The following DNAH2 variants were observed in gnomAD, a reference collection of about 807,000 sequenced individuals.
DNAH2 encodes the protein axonemal beta dynein heavy chain 2.
DNAH2 carries 323 observed loss-of-function variants against 523.5 expected under a neutral mutation model. The ratio of observed to expected loss-of-function variants is 0.62; its 90% CI spans 0.56 to 0.68. The LOEUF is 0.68. Among genes scored for constraint, DNAH2 ranks in the 30% least tolerant of loss-of-function variants. DNAH2 has a pLI of 0.00. For synonymous variants in DNAH2, 2,093 were observed against 2,177.4 expected, an observed-to-expected ratio of 0.96 and a Z score of 1.08; for missense variants, 4,907 against 5,701.5, an observed-to-expected ratio of 0.86 and a Z score of 4.49.
Position 7,765,559 on chromosome 17 carries a change from T to G in DNAH2, c.3505T>G (p.Phe1169Val). ...KAHTLLEDFE[F>V]KGHFTSNVGY... ...ACATACACTTCTGGAAGATTTCGAA[T>G]TCAAAGGTACTCCTTGATCCACCTC... Residue 1169 changes from phenylalanine to valine, a missense_variant, in exon 21 of 86, where the codon TTC becomes GTC. This residue lies in a region of DNAH2 where 2,806 missense variants were observed against 3,190.8 expected (regional missense o/e 0.88). Coordinates refer to ENST00000572933, the MANE Select transcript of DNAH2 (RefSeq NM_020877.5). 6.2e-7 allele frequency: 1 copy of G among 1,612,782 alleles called. No individual in the cohort carries two copies. The highest frequency in any genetic ancestry group is 2.2e-5 in the East Asian group (1 of 44,862).
chr17:7,819,230 C>A lies in DNAH2; in HGVS notation c.10837C>A (p.Arg3613=), dbSNP rs148358215. 2.5e-6 allele frequency: 4 copies of A among 1,613,742 alleles called. No homozygotes were observed. The highest frequency in any genetic ancestry group is 3.4e-6 in the Non-Finnish European group (4 of 1,180,052). ...AREAYRPCAQ[R]ASILFFVLND... is the part of the protein sequence containing the mutation. ...GCAGGCTTACCGCCCATGCGCCCAGCGGGCATCAATCCTGTTCTTCGTGCT... is the reference window on the plus strand; with the variant it reads ...GCAGGCTTACCGCCCATGCGCCCAGAGGGCATCAATCCTGTTCTTCGTGCT... Residue 3613 remains arginine, a synonymous_variant, in exon 72 of 86, where the codon CGG becomes AGG. Transcript: ENST00000572933.
At chr17:7,829,346 C>T (rs1423762973) in intron 77 of DNAH2, among the ~76,000 whole-genome samples, 1 of 152,144 alleles carries the variant, frequency 6.6e-6, no homozygotes, top group Admixed American at 6.5e-5. Flanking sequence ...CTCCATCTAT[C>T]CACGGCCCTC....
intron 12 of DNAH2, among the ~76,000 whole-genome samples, chr17:7,755,808 CTTT>C (rs57342823): frequency 6.9e-6 from 1 of 145,396 alleles, no homozygotes; most frequent in Non-Finnish European, 1.5e-5. Context: ...CCTGGTATCT[CTTT>C]TTTTTTTTTT....
intron 4 of DNAH2, among the ~76,000 whole-genome samples, chr17:7,732,333 G>C (rs2075013430): frequency 6.6e-6 from 1 of 150,964 alleles, no homozygotes. Flanking sequence ...TACTCGGGAG[G>C]CTGAGGCAGA....
At chr17:7,759,727 G>T (rs117097741) in intron 16 of DNAH2, 64 bp from the exon 17 acceptor site, 1 of 1,608,454 alleles carries the variant, frequency 6.2e-7, no homozygotes, top group Non-Finnish European at 8.5e-7. Context: ...CAGACCTGCT[G>T]CTGAAGTGTG....
intron 27 of DNAH2, among the ~76,000 whole-genome samples, 173 bp from the exon 28 acceptor site, chr17:7,771,157 C>A (rs937858634): frequency 6.6e-6 from 1 of 152,124 alleles, no homozygotes; most frequent in African/African-American, 2.4e-5. Context: ...TTCTTAGACC[C>A]AGGTAGCTGG....
chr17:7,819,419 G>A lies in DNAH2; in HGVS notation c.11015+11G>A, dbSNP rs1402040142. On this transcript the variant is annotated intron_variant, in intron 72 of 85. Coordinates refer to ENST00000572933, the MANE Select transcript of DNAH2 (RefSeq NM_020877.5). ...CTACGCTGTCTACAGGTCTGAGGGT[G>A]CCCCCAACATGCCCCAGCCCGGAGG... The A allele has an allele frequency of 6.2e-7, 1 of 1,614,068 alleles. No homozygotes were observed.
At chr17:7,744,445 G>C (rs752565580) in intron 12 of DNAH2, among the ~76,000 whole-genome samples, 15 of 152,072 alleles carry the variant, frequency 9.9e-5, no homozygotes, top group Non-Finnish European at 1.8e-4. Context: ...CAGGGGAAGA[G>C]GGCACATTCT....
Position 7,765,644 on chromosome 17 carries a change from C to T in DNAH2, c.3511+79C>T, listed in dbSNP as rs922782082. The T allele has an allele frequency of 2.7e-5, 41 of 1,514,146 alleles. No individual in the cohort carries two copies. The Admixed American group carries it at 2.9e-4, about 11-fold the overall frequency. 93.8% of individuals were successfully genotyped at this position (1,514,146 alleles called of 1,614,324 possible). On this transcript the variant is annotated intron_variant, in intron 21 of 85. Transcript: ENST00000572933. ...CTTCCAAGCCCAGGTCCTGGGAAGG[C>T]GAGAACTGGGAGGGGAGGAGGAGGG...
chr17:7,823,555 C>T lies in DNAH2; in HGVS notation c.11256C>T (p.Asn3752=), dbSNP rs2077926358. 1.2e-6 allele frequency: 2 copies of T among 1,614,080 alleles called. No homozygotes were observed. Among genetic ancestry groups the T allele is most frequent in the Admixed American group, 1.7e-5 (1 of 59,996 alleles). ...TGACCAACTTCCACGGACTCATGAA[C>T]TCCTTTGAGCAGTACCCTCGTGACT... ...DKLTNFHGLM[N]SFEQYPRDWH... The change falls in exon 74 of 86, where the codon AAC becomes AAT. Residue 3752 remains asparagine (N), a synonymous_variant. Coordinates refer to ENST00000572933, the MANE Select transcript of DNAH2 (RefSeq NM_020877.5).
chr17:7,809,498 A>G (rs2077453897), intron 63 of DNAH2, among the ~76,000 whole-genome samples: 1 of 151,826 alleles, frequency 6.6e-6, no homozygotes, highest in African/African-American at 2.4e-5. Context: ...CCACCTCCCA[A>G]CCTCTCACAA....
chr17:7,739,532 T>C lies in DNAH2; in HGVS notation c.1171-201T>C, dbSNP rs575694125. On this transcript the variant is annotated intron_variant, in intron 8 of 85. Transcript: ENST00000572933. ...CGCTGCCCTACTATTTCATATTTCATTCTGTGGCCAAAGTTCATCCCAGCA... is the reference window on the plus strand; with the variant it reads ...CGCTGCCCTACTATTTCATATTTCACTCTGTGGCCAAAGTTCATCCCAGCA... 3.9e-5 allele frequency among the ~76,000 whole-genome samples: 6 copies of C among 152,314 alleles called. No homozygotes were observed. In the South Asian group the frequency reaches 1.2e-3, roughly 32 times the overall value.
Position 7,767,821 on chromosome 17 carries a change from A to C in DNAH2, c.3676-79A>C. On this transcript the variant is annotated intron_variant, in intron 22 of 85. Coordinates refer to ENST00000572933, the MANE Select transcript of DNAH2 (RefSeq NM_020877.5). ...TAGAGGGGAAGCTTCACAGAGCGAG[A>C]GCAGCGAAGGGCCTGGGCGTCCGTC... 4 of 1,582,676 alleles carry C rather than the reference A, an allele frequency of 2.5e-6. No individual in the cohort carries two copies. The East Asian group carries it at 9.0e-5, about 36-fold the overall frequency.
At chr17:7,812,687 G>A (rs1243269496) in intron 63 of DNAH2, among the ~76,000 whole-genome samples, 10 of 149,976 alleles carry the variant, frequency 6.7e-5, no homozygotes, top group African/African-American at 2.0e-4. Context: ...CTGGGAGGCC[G>A]AGGTGTGCGG....
At position 7,780,027 on chromosome 17, in the gene DNAH2, C is replaced by A; in HGVS notation, c.5723-130C>A. The A allele has an allele frequency of 8.0e-7, 1 of 1,243,206 alleles. No homozygotes were observed. Among genetic ancestry groups the A allele is most frequent in the Non-Finnish European group, 1.1e-6 (1 of 889,978 alleles). The allele number at this position is 1,243,206 out of a possible 1,614,324, so 77.0% of individuals were successfully genotyped here. On this transcript the variant is annotated intron_variant, in intron 36 of 85. Transcript: ENST00000572933. This position sits in a 1 kb window ranked among gnomAD's most constrained non-coding sequence, Gnocchi z 4.4. Reference sequence around the variant, plus strand: ...GGGCTGAGATGAGAAAGGATGTGGTCTTGGAGTTGGAGAGAAAGTTAGGGA... The same window carrying A: ...GGGCTGAGATGAGAAAGGATGTGGTATTGGAGTTGGAGAGAAAGTTAGGGA...
chr17:7,795,694 T>G (rs1242673197), intron 49 of DNAH2, among the ~76,000 whole-genome samples: 1 of 146,976 alleles, frequency 6.8e-6, no homozygotes, highest in Non-Finnish European at 1.5e-5. Context: ...TTATTTTATA[T>G]ACATATATAT....
intron 63 of DNAH2, among the ~76,000 whole-genome samples, chr17:7,809,201 T>C (rs898623638): frequency 6.6e-5 from 10 of 152,164 alleles, no homozygotes; most frequent in Non-Finnish European, 1.0e-4. Flanking sequence ...TTGGAAAACA[T>C]CCAGGTTCGA....
At chr17:7,764,386 A>G in intron 20 of DNAH2, 113 bp downstream of exon 20, 1 of 1,341,232 alleles carries the variant, frequency 7.5e-7, no homozygotes, top group Non-Finnish European at 1.0e-6. Context: ...AGGAGACTCT[A>G]GATTTGAAAG....
chr17:7,790,757 G>T (rs1005435359), intron 44 of DNAH2, among the ~76,000 whole-genome samples: 1 of 150,266 alleles, frequency 6.7e-6, no homozygotes, highest in African/African-American at 2.5e-5. Context: ...TGTTACCAAG[G>T]CTGGAATGGC....
Sources: allele counts gnomAD v4.1 joint callset (sites outside exome capture counted in the v4.1 genomes callset), GRCh38; gene constraint gnomAD v4.1.1; regional missense constraint gnomAD v4.1.1; non-coding constraint Gnocchi (gnomAD v3.1); transcripts MANE v1.5; gene names NCBI Gene and HGNC (gene_info 2026-07-23, HGNC 2026-07-21).